CTDSPL: variants seen among roughly 807,000 people sequenced by gnomAD.
The protein encoded by CTDSPL is CTD small phosphatase-like protein.
Under a neutral mutation model 30.5 loss-of-function variants are expected in CTDSPL, and 8 were observed. The ratio of observed to expected loss-of-function variants is 0.26; its 90% CI spans 0.15 to 0.47. CTDSPL has a LOEUF of 0.47. Among genes scored for constraint, CTDSPL ranks in the 20% least tolerant of loss-of-function variants. The pLI, the probability that CTDSPL is intolerant of heterozygous loss-of-function variation, is 0.99. For missense variants in CTDSPL, 248 were observed against 366.1 expected, an observed-to-expected ratio of 0.68 and a Z score of 2.63; for synonymous variants, 110 against 137.9, an observed-to-expected ratio of 0.80 and a Z score of 1.42.
intron 5 of CTDSPL, chr3:37,969,474 G>A (rs952740244): frequency 2.0e-6 from 1 of 506,136 alleles, no homozygotes; most frequent in Non-Finnish European, 4.1e-6. Context: ...TACTTGCACG[G>A]GGACGCGGGC....
intron 1 of CTDSPL, among the ~76,000 whole-genome samples, chr3:37,934,381 A>G (rs1263368353): frequency 2.0e-5 from 3 of 152,148 alleles, no homozygotes; most frequent in Non-Finnish European, 4.4e-5. Flanking sequence ...ATCTCATGAT[A>G]TGTGAAAATG....
At chr3:37,898,882 A>G (rs1168763218) in intron 1 of CTDSPL, among the ~76,000 whole-genome samples, 1 of 152,228 alleles carries the variant, frequency 6.6e-6, no homozygotes, top group Non-Finnish European at 1.5e-5. Flanking sequence ...CTCATATCTT[A>G]TGGGGAGAGA....
rs1459222544 is a variant in CTDSPL, at chr3:37,960,506, AT to A, written c.267+3364del. The stretch of plus-strand genomic sequence containing the variant: ...AAAAAAAAAAAAAAAAAAAAAAAAA[AT>A]ATATATATATATATATATATATATA... On this transcript the variant is annotated intron_variant, in intron 3 of 7. Coordinates refer to ENST00000273179, the MANE Select transcript of CTDSPL (RefSeq NM_001008392.2). Among the ~76,000 whole-genome samples the A allele has an allele frequency of 9.4e-3, 250 of 26,462 alleles. 9 individuals are homozygous for A. Among genetic ancestry groups the A allele is most frequent in the East Asian group, 0.02 (15 of 752 alleles). The allele number at this position is 26,462 out of a possible 152,430, so 17.4% of individuals were successfully genotyped here.
intron 2 of CTDSPL, among the ~76,000 whole-genome samples, chr3:37,952,868 A>G (rs1174485716): frequency 6.6e-6 from 1 of 152,220 alleles, no homozygotes; most frequent in African/African-American, 2.4e-5. Context: ...TTTAAACAAT[A>G]AAAGTCTATT....
chr3:37,900,626 T>C (rs1698438325), intron 1 of CTDSPL, among the ~76,000 whole-genome samples: 1 of 152,190 alleles, frequency 6.6e-6, no homozygotes, highest in Non-Finnish European at 1.5e-5. Flanking sequence ...TCATTGGCTT[T>C]TTAAGAGCTT....
intron 1 of CTDSPL, among the ~76,000 whole-genome samples, chr3:37,895,255 T>C (rs1000807926): frequency 6.6e-6 from 1 of 152,220 alleles, no homozygotes; most frequent in East Asian, 1.9e-4. Flanking sequence ...TTGGTTGAGC[T>C]AAAACCACAA....
rs145937614 is a variant in CTDSPL at position 37,980,831 on chromosome 3, C to T, written c.795C>T (p.Asp265=). ...TTGAGGGCCTGAGCCGGGAGGACGA[C>T]GTGTACAGCATGCTGCACAGACTCT... ...PFFEGLSRED[D]VYSMLHRLCN... is the part of the protein sequence containing the mutation. Residue 265 remains aspartate, a synonymous_variant, in exon 8 of 8, where the codon GAC becomes GAT. Transcript: ENST00000273179. The T allele has an allele frequency of 8.7e-6, 14 of 1,614,010 alleles. No homozygotes were observed. The highest frequency in any genetic ancestry group is 1.7e-5 in the Admixed American group (1 of 60,008).
At chr3:37,877,490 C>T (rs758108839) in intron 1 of CTDSPL, among the ~76,000 whole-genome samples, 10 of 152,214 alleles carry the variant, frequency 6.6e-5, no homozygotes, top group Non-Finnish European at 1.3e-4. Context: ...CTTTGCCTAT[C>T]CATTCATTGG....
intron 1 of CTDSPL, among the ~76,000 whole-genome samples, chr3:37,892,213 A>G (rs1575285023): frequency 6.6e-6 from 1 of 152,194 alleles, no homozygotes. Flanking sequence ...TAGATACTCA[A>G]TTACTTACTT....
intron 5 of CTDSPL, among the ~76,000 whole-genome samples, chr3:37,969,163 C>A (rs1280402254): frequency 1.3e-5 from 2 of 152,240 alleles, no homozygotes; most frequent in Non-Finnish European, 2.9e-5. Context: ...CATGATGAGA[C>A]AAAGGAGAGG....
At chr3:37,945,366 G>T (rs998968422) in intron 1 of CTDSPL, among the ~76,000 whole-genome samples, 2 of 134,076 alleles carry the variant, frequency 1.5e-5, no homozygotes, top group Admixed American at 1.5e-4. Flanking sequence ...GCCCACTTGG[G>T]TTTGAATCTG....
chr3:37,967,452 G>C (rs73058983), intron 4 of CTDSPL, among the ~76,000 whole-genome samples: 24,002 of 152,222 alleles, frequency 0.16, 2,012 homozygotes, highest in African/African-American at 0.19. Context: ...CACTGTCCTC[G>C]GAGCCCATTA....
At chr3:37,968,614 T>A (rs749715374) in intron 5 of CTDSPL, among the ~76,000 whole-genome samples, 20 of 152,176 alleles carry the variant, frequency 1.3e-4, no homozygotes, top group Non-Finnish European at 2.2e-4. Context: ...AAGTCCAAGG[T>A]CTTAAAGGGA....
At chr3:37,968,369 G>C (rs1699324152) in intron 5 of CTDSPL, 4 of 368,588 alleles carry the variant, frequency 1.1e-5, no homozygotes, top group South Asian at 3.9e-5. Context: ...AAAAGAAAAA[G>C]GGGGAAGGGT....
intron 1 of CTDSPL, among the ~76,000 whole-genome samples, chr3:37,898,684 A>G (rs1201024976): frequency 6.6e-6 from 1 of 152,220 alleles, no homozygotes; most frequent in Admixed American, 6.5e-5. Context: ...GCCAAGTAAC[A>G]TACAACAATG....
intron 1 of CTDSPL, among the ~76,000 whole-genome samples, chr3:37,945,704 T>C (rs182939650): frequency 3.3e-5 from 5 of 152,322 alleles, no homozygotes; most frequent in Non-Finnish European, 5.9e-5. Flanking sequence ...TCTCAGAGAT[T>C]TATGGTTCTG....
chr3:37,866,066 A>T (rs1302289518), intron 1 of CTDSPL, among the ~76,000 whole-genome samples: 1 of 152,252 alleles, frequency 6.6e-6, no homozygotes, highest in Non-Finnish European at 1.5e-5. Flanking sequence ...AAATAACCTC[A>T]TTTGTGCTCA....
chr3:37,878,250 C>T (rs1384580961), intron 1 of CTDSPL, among the ~76,000 whole-genome samples: 1 of 151,938 alleles, frequency 6.6e-6, no homozygotes, highest in East Asian at 1.9e-4. Context: ...TGGTGTCATA[C>T]CTGAGAAATC....
chr3:37,967,810 T>G lies in CTDSPL; in HGVS notation c.370-16T>G, dbSNP rs1403149200. Reference sequence around the variant, plus strand: ...GTTCCTTCAGACATATTAATTATAGTCTCTTTTTTCTCTAGCCTATTAGTA... The same window carrying G: ...GTTCCTTCAGACATATTAATTATAGGCTCTTTTTTCTCTAGCCTATTAGTA... On this transcript the variant is annotated splice_polypyrimidine_tract_variant and intron_variant, in intron 4 of 7. Coordinates refer to ENST00000273179, the MANE Select transcript of CTDSPL (RefSeq NM_001008392.2). The G allele has an allele frequency of 2.6e-6, 4 of 1,557,712 alleles. No individual in the cohort carries two copies. Among genetic ancestry groups the G allele is most frequent in the Non-Finnish European group, 3.5e-6 (4 of 1,146,602 alleles).
Sources: allele counts gnomAD v4.1 joint callset (sites outside exome capture counted in the v4.1 genomes callset), GRCh38; gene constraint gnomAD v4.1.1; transcripts MANE v1.5; gene names NCBI Gene and HGNC (gene_info 2026-07-23, HGNC 2026-07-21).